Variants in TMEM135 observed in about 807,000 individuals in gnomAD.
TMEM135 encodes the protein peroxisomal membrane protein 52.
TMEM135 carries 30 observed loss-of-function variants against 60.3 expected under a neutral mutation model. That is an observed-to-expected ratio of 0.50 (90% CI 0.37 to 0.68). TMEM135 has a LOEUF of 0.68. Ranked by LOEUF, TMEM135 falls within the 30% of genes least tolerant of loss-of-function variation. The pLI, the probability that TMEM135 is intolerant of heterozygous loss-of-function variation, is 0.00. For synonymous variants in TMEM135, 190 were observed against 186.7 expected (o/e 1.02, Z -0.14); for missense variants, 468 against 548.8 (o/e 0.85, Z 1.47).
intron 6 of TMEM135, among the ~76,000 whole-genome samples, chr11:87,245,265 T>A (rs1293709834): frequency 6.7e-6 from 1 of 150,360 alleles, no homozygotes; most frequent in Non-Finnish European, 1.5e-5. Context: ...AGAGCTTTAC[T>A]TCCACGTATG....
chr11:87,214,909 A>G (rs1011135219), intron 5 of TMEM135, among the ~76,000 whole-genome samples: 31 of 152,156 alleles, frequency 2.0e-4, no homozygotes, highest in Non-Finnish European at 5.9e-5. Flanking sequence ...TTGACCTTCT[A>G]TTTTATTTAA....
At chr11:87,239,778 G>C (rs927882163) in intron 6 of TMEM135, among the ~76,000 whole-genome samples, 2 of 151,354 alleles carry the variant, frequency 1.3e-5, no homozygotes, top group Non-Finnish European at 2.9e-5. Flanking sequence ...GAAAGAACTT[G>C]AGAAGTAGTT....
chr11:87,119,195 T>A (rs1857975569), intron 4 of TMEM135, among the ~76,000 whole-genome samples: 1 of 152,216 alleles, frequency 6.6e-6, no homozygotes, highest in African/African-American at 2.4e-5. Context: ...ACATCTCTTC[T>A]TTTCACTTGA....
intron 6 of TMEM135, among the ~76,000 whole-genome samples, chr11:87,284,617 G>GT (rs1942130521): frequency 6.6e-6 from 1 of 152,276 alleles, no homozygotes; most frequent in Admixed American, 6.5e-5. Context: ...CCAAGTATCA[G>GT]TGTTCCATTC....
At chr11:87,288,173 C>T (rs1251190814) in intron 6 of TMEM135, among the ~76,000 whole-genome samples, 6 of 152,200 alleles carry the variant, frequency 3.9e-5, no homozygotes, top group Admixed American at 2.6e-4. Context: ...TAATAAACAG[C>T]ATTTTATATT....
At chr11:87,188,427 C>A (rs755223403) in intron 5 of TMEM135, among the ~76,000 whole-genome samples, 1 of 151,946 alleles carries the variant, frequency 6.6e-6, no homozygotes, top group Non-Finnish European at 1.5e-5. Context: ...GCGGCCTGGG[C>A]GTGGTAGCTC....
At chr11:87,121,311 G>C (rs1392134784) in intron 4 of TMEM135, 9 of 152,098 alleles carry the variant, frequency 5.9e-5, no homozygotes, top group East Asian at 1.9e-4. Flanking sequence ...GGGTGCTGTG[G>C]ATAGCATAGT....
chr11:87,222,034 A>T (rs1290749798), intron 5 of TMEM135, among the ~76,000 whole-genome samples: 2 of 151,808 alleles, frequency 1.3e-5, no homozygotes, highest in Non-Finnish European at 2.9e-5. Context: ...ATACAAAAAA[A>T]TTAGCCAGGC....
chr11:87,274,137 A>T (rs890514166), intron 6 of TMEM135, among the ~76,000 whole-genome samples: 1 of 152,182 alleles, frequency 6.6e-6, no homozygotes, highest in African/African-American at 2.4e-5. Context: ...TCAGGAAGCC[A>T]TTCCTTCCTA....
At chr11:87,055,243 A>C (rs545589280) in intron 1 of TMEM135, among the ~76,000 whole-genome samples, 1 of 152,340 alleles carries the variant, frequency 6.6e-6, no homozygotes, top group East Asian at 1.9e-4. Flanking sequence ...GGCACAAAAA[A>C]CAAATTTTAA....
chr11:87,278,169 A>T (rs1178630258), intron 6 of TMEM135, among the ~76,000 whole-genome samples: 1 of 152,178 alleles, frequency 6.6e-6, no homozygotes, highest in Non-Finnish European at 1.5e-5. Flanking sequence ...TAGCCTTTGC[A>T]TCCTTACTGT....
chr11:87,127,240 G>A (rs1452599793), intron 4 of TMEM135, among the ~76,000 whole-genome samples: 5 of 152,150 alleles, frequency 3.3e-5, no homozygotes, highest in African/African-American at 4.8e-5. Context: ...TTCAATTAGT[G>A]TGAACTAATC....
intron 5 of TMEM135, among the ~76,000 whole-genome samples, chr11:87,182,212 TGAACAG>T (rs1164852235): frequency 3.3e-5 from 5 of 152,234 alleles, no homozygotes; most frequent in African/African-American, 1.2e-4. Flanking sequence ...ATATTATGTG[TGAACAG>T]TGTATATTGT....
rs988668369 is a variant in TMEM135, at chr11:87,327,865, G to A, written c.*6532G>A. The A allele has an allele frequency of 2.2e-6, 1 of 454,038 alleles. No homozygotes were observed. The highest frequency in any genetic ancestry group is 4.4e-6 in the Non-Finnish European group (1 of 226,782). 28.1% of individuals were successfully genotyped at this position (454,038 alleles called of 1,614,324 possible). A position where few individuals can be genotyped will look rare whatever the true frequency, so the allele number is the denominator to read the frequency against. On this transcript the variant is annotated 3_prime_UTR_variant, in exon 15 of 15. Transcript: ENST00000305494. ...AGTTGGAGAAGAGTGTATCCCTGCT[G>A]CAGGGGAGAGAGAGAAGCCAATTCT...
Position 87,310,465 on chromosome 11 carries a change from TG to T in TMEM135, c.936+798del, listed in dbSNP as rs757716281. On this transcript the variant is annotated intron_variant, in intron 10 of 14. Transcript: ENST00000305494. The stretch of plus-strand genomic sequence containing the variant: ...ACATAAAGATGACAACAGAAGTCAC[TG>T]GGGGCTTCTAGAGGAGGGAGGGAGG... 2.6e-5 allele frequency among the ~76,000 whole-genome samples: 4 copies of T among 152,072 alleles called. No homozygotes were observed. In the South Asian group the frequency reaches 6.2e-4, roughly 24 times the overall value.
rs547333925 is a variant in TMEM135 at position 87,273,029 on chromosome 11, T to C, written c.510-22753T>C. On this transcript the variant is annotated intron_variant, in intron 6 of 14. Coordinates refer to ENST00000305494, the MANE Select transcript of TMEM135 (RefSeq NM_022918.4). ...TTCTGCCTCGTTATAGCAATTATCC[T>C]GTCTTTCTTCCATCTTATTATTGTT... 3.3e-5 allele frequency among the ~76,000 whole-genome samples: 5 copies of C among 152,220 alleles called. No individual in the cohort carries two copies. The South Asian group carries it at 1.0e-3, about 31-fold the overall frequency.
rs185441456 is a variant in TMEM135 at position 87,222,809 on chromosome 11, A to G, written c.463-13829A>G. 3.1e-3 allele frequency among the ~76,000 whole-genome samples: 467 copies of G among 150,522 alleles called. 2 individuals carry two copies. Among genetic ancestry groups the G allele is most frequent in the African/African-American group, 0.01 (424 of 40,448 alleles). On this transcript the variant is annotated intron_variant, in intron 5 of 14. Coordinates refer to ENST00000305494, the MANE Select transcript of TMEM135 (RefSeq NM_022918.4). Reference sequence around the variant, plus strand: ...AATAAGAGCGAAACTGTCTCAAAAAAAAAGAAAGAAAGAAAGAAAAAAAAA... The same window carrying G: ...AATAAGAGCGAAACTGTCTCAAAAAGAAAGAAAGAAAGAAAGAAAAAAAAA...
In TMEM135 at chr11:87,275,643, TTTTATTA is replaced by T. The variant is rs1398711301; in HGVS notation, c.510-20121_510-20115del. 3.3e-5 allele frequency among the ~76,000 whole-genome samples: 5 copies of T among 152,112 alleles called. No homozygotes were observed. In the South Asian group the frequency reaches 6.2e-4, roughly 19 times the overall value. On this transcript the variant is annotated intron_variant, in intron 6 of 14. Coordinates refer to ENST00000305494, the MANE Select transcript of TMEM135 (RefSeq NM_022918.4). ...ATAAGAAAAGCCAAACTAGTCTGGATTTTATTATTTATTATTTATTATTTTTATTTTT... is the reference window on the plus strand; with the variant it reads ...ATAAGAAAAGCCAAACTAGTCTGGATTTTATTATTTATTATTTTTATTTTT...
intron 3 of TMEM135, among the ~76,000 whole-genome samples, chr11:87,074,568 A>G (rs947298716): frequency 6.6e-6 from 1 of 152,210 alleles, no homozygotes; most frequent in Non-Finnish European, 1.5e-5. Flanking sequence ...TTATGTACCT[A>G]CTTTTCAACA....
Sources: allele counts gnomAD v4.1 joint callset (sites outside exome capture counted in the v4.1 genomes callset), GRCh38; gene constraint gnomAD v4.1.1; transcripts MANE v1.5; gene names NCBI Gene and HGNC (gene_info 2026-07-23, HGNC 2026-07-21).